The following PKNOX2 variants were observed in gnomAD, a reference collection of about 807,000 sequenced individuals.
PKNOX2 encodes PBX/knotted 1 homeobox 2, also known as homeobox protein PKNOX2.
A neutral mutation model predicts 53.1 loss-of-function variants in PKNOX2; 14 were observed. The observed-to-expected ratio is 0.26, with a 90% CI of 0.17 to 0.41. The LOEUF is 0.41. Among genes scored for constraint, PKNOX2 ranks in the 10% least tolerant of loss-of-function variants. The pLI, the probability that PKNOX2 is intolerant of heterozygous loss-of-function variation, is 1.00. For synonymous variants in PKNOX2, 257 were observed against 242.8 expected (o/e 1.06, Z -0.54); for missense variants, 496 against 602.8 (o/e 0.82, Z 1.85).
At chr11:125,255,678 G>T (rs1944356995) in intron 2 of PKNOX2, among the ~76,000 whole-genome samples, 1 of 151,914 alleles carries the variant, frequency 6.6e-6, no homozygotes, top group African/African-American at 2.4e-5. Context: ...TCACATGCGG[G>T]GTGACGTACT....
intron 7 of PKNOX2, among the ~76,000 whole-genome samples, chr11:125,409,264 C>G (rs1238895198): frequency 6.6e-6 from 1 of 152,226 alleles, no homozygotes; most frequent in East Asian, 1.9e-4. Context: ...CACAGCAAGT[C>G]CAAGGACTTC....
At chr11:125,289,631 G>A (rs1447462752) in intron 2 of PKNOX2, among the ~76,000 whole-genome samples, 7 of 152,166 alleles carry the variant, frequency 4.6e-5, no homozygotes, top group Admixed American at 1.3e-4. Context: ...CCCTGGAGTT[G>A]CAGCTGGAGT....
chr11:125,249,044 A>G (rs1039878072), intron 2 of PKNOX2, among the ~76,000 whole-genome samples: 21 of 146,604 alleles, frequency 1.4e-4, no homozygotes, highest in Non-Finnish European at 3.0e-4. Context: ...TATATAACCT[A>G]TATATTATAT....
chr11:125,428,732 C>T (rs1956551452), intron 10 of PKNOX2, among the ~76,000 whole-genome samples: 1 of 152,222 alleles, frequency 6.6e-6, no homozygotes, highest in African/African-American at 2.4e-5. Flanking sequence ...GCTGTCAGTA[C>T]TGAACCATCT....
intron 2 of PKNOX2, among the ~76,000 whole-genome samples, chr11:125,330,646 G>T (rs940408259): frequency 6.6e-6 from 1 of 152,004 alleles, no homozygotes; most frequent in African/African-American, 2.4e-5. Context: ...CAGGATCCCA[G>T]ATGCTGTCTC....
chr11:125,399,481 G>A (rs1185089642), intron 7 of PKNOX2, among the ~76,000 whole-genome samples: 1 of 152,186 alleles, frequency 6.6e-6, no homozygotes, highest in Non-Finnish European at 1.5e-5. Flanking sequence ...TGCAAGATAG[G>A]AGCTGAGGAG....
intron 1 of PKNOX2, among the ~76,000 whole-genome samples, chr11:125,222,339 T>C (rs1162397849): frequency 6.6e-6 from 1 of 152,126 alleles, no homozygotes; most frequent in African/African-American, 2.4e-5. Context: ...TTCTCCACAC[T>C]TTCTTCAGGG....
At chr11:125,375,150 G>A (rs111284531) in intron 5 of PKNOX2, among the ~76,000 whole-genome samples, 2,031 of 152,280 alleles carry the variant, frequency 0.013, 39 homozygotes, top group African/African-American at 0.045. Flanking sequence ...CTATCATCGG[G>A]CAAATCTTTA....
intron 10 of PKNOX2, 46 bp downstream of exon 10, chr11:125,411,911 G>C (rs1237321317): frequency 6.2e-7 from 1 of 1,611,622 alleles, no homozygotes; most frequent in Non-Finnish European, 8.5e-7. Context: ...CATGGGGTAT[G>C]AATAACCCAC....
chr11:125,272,659 C>T (rs1285432427), intron 2 of PKNOX2, among the ~76,000 whole-genome samples: 6 of 152,118 alleles, frequency 3.9e-5, no homozygotes, highest in African/African-American at 7.2e-5. Context: ...TTGATCGTGT[C>T]GCGTAAAGAG....
chr11:125,203,543 C>A (rs1050404905), intron 1 of PKNOX2, among the ~76,000 whole-genome samples: 1 of 152,176 alleles, frequency 6.6e-6, no homozygotes, highest in Non-Finnish European at 1.5e-5. Context: ...GTACAGTGTT[C>A]TTTGGGGACA....
intron 1 of PKNOX2, among the ~76,000 whole-genome samples, chr11:125,224,469 T>TGCCG (rs1660574611): frequency 6.6e-6 from 1 of 152,218 alleles, no homozygotes; most frequent in African/African-American, 2.4e-5. Context: ...AGATTGAAGC[T>TGCCG]GCCGGCCTTG....
intron 1 of PKNOX2, among the ~76,000 whole-genome samples, chr11:125,217,654 T>C (rs1393150379): frequency 2.0e-5 from 3 of 152,196 alleles, no homozygotes; most frequent in Non-Finnish European, 4.4e-5. Flanking sequence ...CCCATACTGC[T>C]GTTTGAGCTG....
intron 5 of PKNOX2, among the ~76,000 whole-genome samples, chr11:125,384,779 C>T (rs538887555): frequency 6.6e-6 from 1 of 152,258 alleles, no homozygotes; most frequent in East Asian, 1.9e-4. Flanking sequence ...CCACACATAC[C>T]CTCTTCACTC....
chr11:125,274,917 G>T (rs919169745), intron 2 of PKNOX2, among the ~76,000 whole-genome samples: 2 of 152,156 alleles, frequency 1.3e-5, no homozygotes, highest in Non-Finnish European at 2.9e-5. Context: ...GCCCAGTCCC[G>T]GGGTGCAGAG....
intron 3 of PKNOX2, among the ~76,000 whole-genome samples, chr11:125,347,784 A>T (rs1951059798): frequency 6.6e-6 from 1 of 152,172 alleles, no homozygotes; most frequent in Non-Finnish European, 1.5e-5. Flanking sequence ...TAGATGTCAT[A>T]TCATAAAGGT....
Position 125,430,135 on chromosome 11 carries a change from C to A in PKNOX2, c.1186C>A (p.Pro396Thr), listed in dbSNP as rs1463991065. Residue 396 changes from proline to threonine, a missense_variant, in exon 12 of 13, where the codon CCC becomes ACC. Physicochemically the swap from Pro to Thr is conservative, Grantham distance 38. Coordinates refer to ENST00000298282, the MANE Select transcript of PKNOX2 (RefSeq NM_001382323.2). The stretch of plus-strand genomic sequence containing the variant: ...GCAGGGCGGTGCCCCAGGGACAAAC[C>A]CCGATGGTAAGAACTGGGGCTGAGT... ...QQQGGAPGTN[P>T]DGSINLDNLQ... 2 of 1,613,800 alleles carry A rather than the reference C, an allele frequency of 1.2e-6. No homozygotes were observed. The highest frequency in any genetic ancestry group is 2.2e-5 in the East Asian group (1 of 44,858).
intron 6 of PKNOX2, among the ~76,000 whole-genome samples, chr11:125,392,445 C>T (rs1462202870): frequency 4.6e-5 from 7 of 152,170 alleles, no homozygotes; most frequent in Admixed American, 4.6e-4. Context: ...ATATTCATTG[C>T]CTCAGAATAC....
chr11:125,189,447 G>GTGTGTATA (rs1256963392), intron 1 of PKNOX2, among the ~76,000 whole-genome samples: 10 of 23,458 alleles, frequency 4.3e-4, no homozygotes, highest in African/African-American at 9.4e-4. Flanking sequence ...GTGTGTGTGT[G>GTGTGTATA]TATATATATA....
Sources: allele counts gnomAD v4.1 joint callset (sites outside exome capture counted in the v4.1 genomes callset), GRCh38; gene constraint gnomAD v4.1.1; transcripts MANE v1.5; gene names NCBI Gene and HGNC (gene_info 2026-07-23, HGNC 2026-07-21).